Variants in CEP128 observed in about 807,000 individuals in gnomAD.
CEP128 encodes the protein centrosomal protein 128kDa.
CEP128 carries 132 observed loss-of-function variants against 156.7 expected under a neutral mutation model. The observed-to-expected ratio is 0.84, with a 90% confidence interval of 0.73 to 0.97. The LOEUF is 0.97. Ranked by LOEUF, CEP128 falls within the 50% of genes least tolerant of loss-of-function variation. CEP128 has a pLI of 0.00. For synonymous variants in CEP128, 469 were observed against 448.9 expected (o/e 1.04, Z -0.57); for missense variants, 1,252 against 1,281.9 (o/e 0.98, Z 0.36).
chr14:80,666,670 A>G (rs1007949905), intron 19 of CEP128, among the ~76,000 whole-genome samples: 1 of 151,864 alleles, frequency 6.6e-6, no homozygotes. Flanking sequence ...GGATATTGCA[A>G]TGAACAAAGT....
At chr14:80,759,133 T>C (rs937074381) in intron 17 of CEP128, among the ~76,000 whole-genome samples, 2 of 152,238 alleles carry the variant, frequency 1.3e-5, no homozygotes, top group Non-Finnish European at 2.9e-5. Context: ...ACTTTCCTAA[T>C]TGTTTTACAA....
At chr14:80,526,570 GACCA>G (rs1267579770) in intron 23 of CEP128, 1 of 216,292 alleles carries the variant, frequency 4.6e-6, no homozygotes, top group Non-Finnish European at 9.2e-6. Context: ...CTAAGATTTT[GACCA>G]ACCAAGTGAC....
At chr14:80,775,558 C>T (rs1900744203) in intron 16 of CEP128, among the ~76,000 whole-genome samples, 1 of 152,198 alleles carries the variant, frequency 6.6e-6, no homozygotes, top group Non-Finnish European at 1.5e-5. Flanking sequence ...ATTGTCAAGA[C>T]TTGACTACAT....
In CEP128 at chr14:80,916,473, C is replaced by T. The variant is rs116079653; in HGVS notation, c.75G>A (p.Thr25=). The part of the protein sequence containing the change: ...DRLSPWAARS[T]HRGTRSLPTV... ...TAGGAAGACTTCGAGTTCCCCTGTG[C>T]GTTGATCTGGCAGCCCATGGACTCA... Residue 25 remains threonine (T), a synonymous_variant, in exon 3 of 25, where the codon ACG becomes ACA. Coordinates refer to ENST00000555265, the MANE Select transcript of CEP128 (RefSeq NM_152446.5). The T allele has an allele frequency of 3.1e-6, 5 of 1,613,832 alleles. No homozygotes were observed. Among genetic ancestry groups the T allele is most frequent in the Middle Eastern group, 1.6e-4 (1 of 6,084 alleles).
At chr14:80,497,950 T>A (rs1233325793) in intron 24 of CEP128, among the ~76,000 whole-genome samples, 1 of 152,212 alleles carries the variant, frequency 6.6e-6, no homozygotes, top group Non-Finnish European at 1.5e-5. Context: ...GGAATCCTCT[T>A]TATTACAACT....
chr14:80,740,562 A>ATAG (rs1898779767), intron 19 of CEP128, among the ~76,000 whole-genome samples: 1 of 151,446 alleles, frequency 6.6e-6, no homozygotes, highest in African/African-American at 2.4e-5. Flanking sequence ...AGATAGATAG[A>ATAG]AATGATGCAT....
At chr14:80,478,172 A>G (rs1886980826) in exon 15 of CEP128, 1 of 152,062 alleles carries the variant, frequency 6.6e-6, no homozygotes, top group Non-Finnish European at 1.5e-5. Flanking sequence ...TTAAATTTTT[A>G]AAAAATCACT....
intron 4 of CEP128, among the ~76,000 whole-genome samples, chr14:80,911,352 A>C (rs1385282418): frequency 6.6e-6 from 1 of 152,166 alleles, no homozygotes; most frequent in Admixed American, 6.5e-5. Flanking sequence ...AGTAAAAAAT[A>C]AAAAGTAGCC....
At chr14:80,599,618 C>T (rs1892497589) in intron 19 of CEP128, among the ~76,000 whole-genome samples, 1 of 151,536 alleles carries the variant, frequency 6.6e-6, no homozygotes, top group African/African-American at 2.4e-5. Context: ...ATCCATATTT[C>T]TAAAGCAAAG....
At chr14:80,804,948 G>T (rs924890105) in intron 13 of CEP128, among the ~76,000 whole-genome samples, 6 of 152,020 alleles carry the variant, frequency 3.9e-5, no homozygotes, top group Admixed American at 6.6e-5. Flanking sequence ...CTGCTCAAGG[G>T]CAATGAAAAA....
At chr14:80,564,351 C>G (rs1431151468) in intron 20 of CEP128, among the ~76,000 whole-genome samples, 1 of 152,136 alleles carries the variant, frequency 6.6e-6, no homozygotes, top group Non-Finnish European at 1.5e-5. Context: ...AATAATGTGG[C>G]TAGACATCAT....
chr14:80,872,733 A>G (rs550963009), intron 8 of CEP128, among the ~76,000 whole-genome samples: 15 of 152,200 alleles, frequency 9.9e-5, no homozygotes, highest in Non-Finnish European at 1.6e-4. Flanking sequence ...TCAAATAATG[A>G]AACCATCTTC....
At chr14:80,504,753 G>A (rs1887890593) in intron 24 of CEP128, among the ~76,000 whole-genome samples, 159 bp downstream of exon 24, 1 of 152,168 alleles carries the variant, frequency 6.6e-6, no homozygotes, top group South Asian at 2.1e-4. Flanking sequence ...AGTAAACTGT[G>A]TACTATTATG....
chr14:80,882,184 TTAA>T, intron 8 of CEP128, among the ~76,000 whole-genome samples: 1 of 151,842 alleles, frequency 6.6e-6, no homozygotes, highest in African/African-American at 2.4e-5. Flanking sequence ...TGACAATAAA[TTAA>T]TAATCAGAAT....
chr14:80,712,521 A>G (rs1897451082), intron 19 of CEP128, among the ~76,000 whole-genome samples: 2 of 152,188 alleles, frequency 1.3e-5, no homozygotes, highest in Non-Finnish European at 2.9e-5. Flanking sequence ...AGGGCCACAG[A>G]TATTTCCTGC....
intron 6 of CEP128, among the ~76,000 whole-genome samples, chr14:80,902,366 C>A (rs998520266): frequency 3.3e-5 from 5 of 152,100 alleles, no homozygotes; most frequent in Non-Finnish European, 5.9e-5. Flanking sequence ...TCACATAGTC[C>A]ATGCTAGCAA....
intron 13 of CEP128, among the ~76,000 whole-genome samples, chr14:80,808,839 C>A (rs955569250): frequency 6.6e-6 from 1 of 152,056 alleles, no homozygotes; most frequent in African/African-American, 2.4e-5. Context: ...TCCCAACCAA[C>A]GCCACTAATG....
chr14:80,880,749 G>A (rs1428787206), intron 8 of CEP128, among the ~76,000 whole-genome samples: 1 of 150,164 alleles, frequency 6.7e-6, no homozygotes, highest in Non-Finnish European at 1.5e-5. Context: ...TGTAGTCCCA[G>A]CTACTCGGGA....
chr14:80,608,688 T>A (rs929706751), intron 19 of CEP128, among the ~76,000 whole-genome samples: 9 of 152,178 alleles, frequency 5.9e-5, no homozygotes, highest in African/African-American at 2.4e-5. Context: ...ATCTGTTTCT[T>A]CTGCCTGGAA....
Sources: allele counts gnomAD v4.1 joint callset (sites outside exome capture counted in the v4.1 genomes callset), GRCh38; gene constraint gnomAD v4.1.1; transcripts MANE v1.5; gene names NCBI Gene and HGNC (gene_info 2026-07-23, HGNC 2026-07-21).